The following PSKH1 variants were observed in gnomAD, a reference collection of about 807,000 sequenced individuals.
PSKH1 encodes serine/threonine-protein kinase H1.
PSKH1 carries 12 observed loss-of-function variants against 26.7 expected under a neutral mutation model. The ratio of observed to expected loss-of-function variants is 0.45; its 90% confidence interval spans 0.29 to 0.73. The LOEUF (loss-of-function observed/expected upper bound fraction) is 0.73. Among genes scored for constraint, PSKH1 ranks in the 30% least tolerant of loss-of-function variants. PSKH1 has a pLI of 0.11. For synonymous variants in PSKH1, 213 were observed against 234.3 expected, an observed-to-expected ratio of 0.91 and a Z score of 0.83; for missense variants, 431 against 595.2, an observed-to-expected ratio of 0.72 and a Z score of 2.87.
intron 1 of PSKH1, among the ~76,000 whole-genome samples, chr16:67,895,054 G>C (rs2058122357): frequency 6.6e-6 from 1 of 151,520 alleles, no homozygotes; most frequent in African/African-American, 2.4e-5. Context: ...CCCCAGAGTA[G>C]CTGGGGTTAC....
intron 1 of PSKH1, among the ~76,000 whole-genome samples, chr16:67,901,318 C>A (rs1420502032): frequency 6.6e-6 from 1 of 152,064 alleles, no homozygotes; most frequent in Non-Finnish European, 1.5e-5. Flanking sequence ...TTATTGCCGA[C>A]TGACTTTATT....
rs567814978 is a variant in PSKH1 at position 67,928,050 on chromosome 16, G to A, written c.*408G>A. 1.1e-3 allele frequency: 204 copies of A among 182,030 alleles called. No individual in the cohort carries two copies. The highest frequency in any genetic ancestry group is 1.8e-3 in the Non-Finnish European group (160 of 87,636). 11.3% of individuals were successfully genotyped at this position (182,030 alleles called of 1,614,324 possible). The stretch of plus-strand genomic sequence containing the variant: ...AGGACCCTTTGGGACAGTTACTTCT[G>A]GGACCCCCTTTCCTCCACAGAGCCC... On this transcript the variant is annotated 3_prime_UTR_variant, in exon 3 of 3. Transcript: ENST00000291041. This position sits in a 1 kb window ranked among gnomAD's most constrained non-coding sequence, Gnocchi z 4.8.
At chr16:67,895,205 A>T (rs1180573166) in intron 1 of PSKH1, among the ~76,000 whole-genome samples, 1 of 150,920 alleles carries the variant, frequency 6.6e-6, no homozygotes, top group African/African-American at 2.4e-5. Flanking sequence ...TTGCAGGCAT[A>T]AGCCACTATG....
chr16:67,927,466 C>T lies in PSKH1; in HGVS notation c.1099C>T (p.Leu367=), dbSNP rs775084660. The change falls in exon 3 of 3, where the codon CTG becomes TTG. Residue 367 remains leucine (L), a synonymous_variant. Coordinates refer to ENST00000291041, the MANE Select transcript of PSKH1 (RefSeq NM_006742.3). The surrounding 1 kb of genome is among the most constrained non-coding windows in gnomAD (Gnocchi z 5.5). The part of the protein sequence containing the change: ...SMAASSSMKN[L]HRSISQNLLK... ...GGCTGCCTCTTCATCCATGAAGAAC[C>T]TGCACCGCTCCATATCCCAGAACCT... 13 of 1,614,128 alleles carry T rather than the reference C, an allele frequency of 8.1e-6. No individual in the cohort carries two copies. Among genetic ancestry groups the T allele is most frequent in the Non-Finnish European group, 9.3e-6 (11 of 1,180,058 alleles).
intron 1 of PSKH1, among the ~76,000 whole-genome samples, chr16:67,905,674 A>G (rs2058154121): frequency 6.6e-6 from 1 of 152,144 alleles, no homozygotes; most frequent in Non-Finnish European, 1.5e-5. Context: ...AGCCTGGCCA[A>G]CATGAAACCC....
At chr16:67,922,360 T>C (rs556738771) in intron 2 of PSKH1, among the ~76,000 whole-genome samples, 2 of 152,298 alleles carry the variant, frequency 1.3e-5, no homozygotes, top group East Asian at 1.9e-4. Flanking sequence ...AAGGAGGCCT[T>C]TGAAGGTGGG....
At chr16:67,917,245 G>A (rs1156434344) in intron 2 of PSKH1, among the ~76,000 whole-genome samples, 1 of 152,206 alleles carries the variant, frequency 6.6e-6, no homozygotes, top group Non-Finnish European at 1.5e-5. Context: ...ATGGTCTCCC[G>A]ACTGGAGGGT....
intron 1 of PSKH1, among the ~76,000 whole-genome samples, chr16:67,898,369 C>T (rs1226181263): frequency 6.6e-6 from 1 of 151,886 alleles, no homozygotes; most frequent in Non-Finnish European, 1.5e-5. Context: ...TGCGCCACTG[C>T]GCTCCAGCCT....
chr16:67,913,126 A>G (rs1309692550), intron 2 of PSKH1, among the ~76,000 whole-genome samples: 1 of 151,922 alleles, frequency 6.6e-6, no homozygotes, highest in African/African-American at 2.4e-5. Flanking sequence ...TCAAGGTTGC[A>G]GGGAGCTGTG....
At chr16:67,895,235 T>G (rs1303431362) in intron 1 of PSKH1, among the ~76,000 whole-genome samples, 1 of 151,840 alleles carries the variant, frequency 6.6e-6, no homozygotes, top group African/African-American at 2.4e-5. Flanking sequence ...GATTTTTTTT[T>G]TTTTGTTTAA....
At chr16:67,918,696 A>G (rs892014140) in intron 2 of PSKH1, among the ~76,000 whole-genome samples, 1 of 151,456 alleles carries the variant, frequency 6.6e-6, no homozygotes, top group Non-Finnish European at 1.5e-5. Flanking sequence ...GGTTCAAGCA[A>G]TTCTCCTGCC....
At position 67,927,587 on chromosome 16, in the gene PSKH1, G is replaced by A. The variant is rs752646115; in HGVS notation, c.1220G>A (p.Arg407Gln). 17 of 1,612,730 alleles carry A rather than the reference G, an allele frequency of 1.1e-5. No individual in the cohort carries two copies. The highest frequency in any genetic ancestry group is 1.3e-5 in the Non-Finnish European group (15 of 1,179,930). ...CGCTCCAATAAGTCACGCCGTGTGC[G>A]GGAACGGGAGCTGCGGGAGCTCAAC... ...STRSNKSRRV[R>Q]ERELRELNLR... is the part of the protein sequence containing the mutation. Residue 407 changes from arginine to glutamine, a missense_variant, in exon 3 of 3, where the codon CGG (arginine) becomes CAG (glutamine). Transcript: ENST00000291041. This position sits in a 1 kb window ranked among gnomAD's most constrained non-coding sequence, Gnocchi z 5.5.
chr16:67,901,439 C>T (rs1215028342), intron 1 of PSKH1, among the ~76,000 whole-genome samples: 2 of 152,144 alleles, frequency 1.3e-5, no homozygotes, highest in Admixed American at 1.3e-4. Context: ...TCAAGCAATT[C>T]TCCTGCCTCA....
At chr16:67,920,439 T>TTCTTGTAGAGATAGGGTCTATGTG (rs2058199039) in intron 2 of PSKH1, among the ~76,000 whole-genome samples, 2 of 152,112 alleles carry the variant, frequency 1.3e-5, no homozygotes, top group South Asian at 4.1e-4. Context: ...TTTTTTAGGT[T>TTCTTGTAGAGATAGGGTCTATGTG]TCTTGTAGAG....
At chr16:67,926,586 C>T (rs1238863856) in intron 2 of PSKH1, among the ~76,000 whole-genome samples, 1 of 152,134 alleles carries the variant, frequency 6.6e-6, no homozygotes, top group Non-Finnish European at 1.5e-5. Context: ...GATGAGGCAG[C>T]CCGGGGTGCA....
At chr16:67,902,559 G>A (rs1215855440) in intron 1 of PSKH1, among the ~76,000 whole-genome samples, 1 of 152,110 alleles carries the variant, frequency 6.6e-6, no homozygotes, top group East Asian at 1.9e-4. Flanking sequence ...GCCTCCCAAA[G>A]TGCTGGGATT....
At chr16:67,901,918 G>A (rs1457408166) in intron 1 of PSKH1, among the ~76,000 whole-genome samples, 4 of 152,062 alleles carry the variant, frequency 2.6e-5, no homozygotes, top group South Asian at 2.1e-4. Flanking sequence ...AAACCACTGC[G>A]CCCTGATGCT....
rs947008595 is a variant in PSKH1, at chr16:67,927,011, T to C, written c.958-314T>C. Among the ~76,000 whole-genome samples the C allele has an allele frequency of 4.6e-5, 7 of 152,200 alleles. No individual in the cohort carries two copies. Among genetic ancestry groups the C allele is most frequent in the African/African-American group, 1.2e-4 (5 of 41,454 alleles). ...CATTCTCTAACAGTCCCCTGAGTTA[T>C]GATACTCCTGGGACAAGTTCGGGGG... On this transcript the variant is annotated intron_variant, in intron 2 of 2. Transcript: ENST00000291041. This position sits in a 1 kb window ranked among gnomAD's most constrained non-coding sequence, Gnocchi z 5.5.
intron 2 of PSKH1, among the ~76,000 whole-genome samples, chr16:67,911,572 C>T (rs1249005708): frequency 1.3e-5 from 2 of 152,190 alleles, no homozygotes; most frequent in Non-Finnish European, 2.9e-5. Context: ...ATCCCAGCTA[C>T]TCGGGAGGCT....
Sources: gnomAD v4.1 joint callset for allele counts (sites outside exome capture counted in the v4.1 genomes callset) on GRCh38, gnomAD v4.1.1 for gene constraint, Gnocchi (gnomAD v3.1) non-coding constraint, MANE v1.5 for transcripts, NCBI Gene and HGNC (gene_info 2026-07-23, HGNC 2026-07-21) for gene names.